The following TPM3 variants were observed in gnomAD, a reference collection of about 807,000 sequenced individuals.
TPM3 encodes the protein tropomyosin alpha-3 chain.
TPM3 carries 16 observed loss-of-function variants against 43.1 expected under a neutral mutation model. The ratio of observed to expected loss-of-function variants is 0.37; its 90% confidence interval spans 0.25 to 0.56. The LOEUF (loss-of-function observed/expected upper bound fraction) is 0.56, where lower values mean the gene tolerates loss of function less well. Among genes scored for constraint, TPM3 ranks in the 20% least tolerant of loss-of-function variants. The pLI is 0.77. For synonymous variants in TPM3, 101 were observed against 116.9 expected (o/e 0.86, Z 0.88); for missense variants, 176 against 337.2 (o/e 0.52, Z 3.74).
At chr1:154,183,471 G>A in intron 2 of TPM3, 1 of 489,716 alleles carries the variant, frequency 2.0e-6, no homozygotes, top group African/African-American at 2.0e-5. Context: ...TGCCCACAAT[G>A]GTTGGCCCCT....
At chr1:154,168,428 A>G (rs925945550) in intron 9 of TPM3, among the ~76,000 whole-genome samples, 6 of 152,228 alleles carry the variant, frequency 3.9e-5, no homozygotes, top group Non-Finnish European at 8.8e-5. Context: ...TTGAGAAGCA[A>G]ATAGAAAAAT....
rs1436340320 is a variant in TPM3, at chr1:154,166,227, A to G, written c.*1710T>C. On this transcript the variant is annotated 3_prime_UTR_variant, in exon 10 of 10. Coordinates refer to ENST00000651641, the MANE Select transcript of TPM3 (RefSeq NM_152263.4). ...TACCTGATTATATCTGTTTAAAAGA[A>G]GAGCAAAAGTGTTTTTAACAGATGG... 4.4e-6 allele frequency: 1 copy of G among 229,142 alleles called. No homozygotes were observed. Among genetic ancestry groups the G allele is most frequent in the Non-Finnish European group, 8.6e-6 (1 of 115,664 alleles). The allele number at this position is 229,142 out of a possible 1,614,324, so 14.2% of individuals were successfully genotyped here.
intron 3 of TPM3, among the ~76,000 whole-genome samples, chr1:154,174,695 G>A (rs1375537971): frequency 6.6e-6 from 1 of 151,194 alleles, no homozygotes; most frequent in Non-Finnish European, 1.5e-5. Flanking sequence ...GGATTTTGCT[G>A]TGTTGGCTGG....
chr1:154,160,828 C>T (rs1433070674), downstream of TPM3, among the ~76,000 whole-genome samples: 1 of 152,102 alleles, frequency 6.6e-6, no homozygotes, highest in Admixed American at 6.5e-5. Flanking sequence ...TTTTTGAATG[C>T]CAACATGATG....
chr1:154,180,225 C>A (rs1662796376), intron 2 of TPM3, among the ~76,000 whole-genome samples: 1 of 152,156 alleles, frequency 6.6e-6, no homozygotes, highest in African/African-American at 2.4e-5. Flanking sequence ...AGCTTCCCAA[C>A]AAGGGTGGCT....
chr1:154,180,084 A>C (rs1662785406), intron 2 of TPM3, among the ~76,000 whole-genome samples: 1 of 152,162 alleles, frequency 6.6e-6, no homozygotes, highest in Non-Finnish European at 1.5e-5. Context: ...ATTTAGACAG[A>C]AGTAAAAAGG....
At position 154,171,565 on chromosome 1, in the gene TPM3, C is replaced by T. The variant is rs187872189; in HGVS notation, c.567-77G>A. The T allele has an allele frequency of 2.0e-3, 2,931 of 1,493,124 alleles. 5 individuals carry two copies. Among genetic ancestry groups the T allele is most frequent in the Admixed American group, 2.3e-3 (139 of 59,286 alleles). The allele number at this position is 1,493,124 out of a possible 1,614,324, so 92.5% of individuals were successfully genotyped here. ...AAAAAAAGGGAGAGAGACACATAGA[C>T]GTGAATTGAACCTATATGTAGAGAG... On this transcript the variant is annotated intron_variant, in intron 5 of 9. Coordinates refer to ENST00000651641, the MANE Select transcript of TPM3 (RefSeq NM_152263.4).
intron 2 of TPM3, among the ~76,000 whole-genome samples, chr1:154,189,986 G>A (rs944323498): frequency 1.3e-5 from 2 of 152,098 alleles, no homozygotes; most frequent in African/African-American, 4.8e-5. Flanking sequence ...CTGTTGCCCA[G>A]GCTAGAGTGC....
chr1:154,157,506 G>A (rs1275388812), downstream of TPM3: 2 of 759,626 alleles, frequency 2.6e-6, no homozygotes, highest in South Asian at 1.4e-5. Flanking sequence ...CAGGGAAGGA[G>A]GGGGTGGTGA....
downstream of TPM3, among the ~76,000 whole-genome samples, chr1:154,161,437 CTTTTTTTTTTTTT>C (rs966387714): frequency 4.4e-5 from 5 of 113,410 alleles, no homozygotes; most frequent in Admixed American, 9.3e-5. Flanking sequence ...TATCAGGATC[CTTTTTTTTTTTTT>C]TTTTTTTTGA....
chr1:154,169,126 G>A (rs893202199), intron 9 of TPM3, among the ~76,000 whole-genome samples, 179 bp downstream of exon 9: 9 of 152,128 alleles, frequency 5.9e-5, no homozygotes, highest in Non-Finnish European at 7.3e-5. Context: ...GTGAGCCACC[G>A]CGCCCGGCCA....
rs886045298 is a variant in TPM3 at position 154,163,635 on chromosome 1, T to C, written c.*4302A>G. Among the ~76,000 whole-genome samples the C allele has an allele frequency of 4.5e-4, 69 of 152,012 alleles. No individual in the cohort carries two copies. The highest frequency in any genetic ancestry group is 2.1e-4 in the Non-Finnish European group (14 of 67,974). On this transcript the variant is annotated 3_prime_UTR_variant, in exon 10 of 10. Transcript: ENST00000651641. Reference sequence around the variant, plus strand: ...CTCCTCTTACATAACGTTTTCCTCATTGTTTAATTTTTTTTTGAGACAGAG... The same window carrying C: ...CTCCTCTTACATAACGTTTTCCTCACTGTTTAATTTTTTTTTGAGACAGAG...
At chr1:154,181,006 C>T (rs182608391) in intron 2 of TPM3, among the ~76,000 whole-genome samples, 1 of 152,180 alleles carries the variant, frequency 6.6e-6, no homozygotes, top group African/African-American at 2.4e-5. Flanking sequence ...AATACTGAGC[C>T]TAAGATTCTG....
At chr1:154,157,162 C>G, downstream of TPM3, 1 of 282,050 alleles carries the variant, frequency 3.5e-6, no homozygotes, top group Non-Finnish European at 6.8e-6. Context: ...GCGGAGTCTC[C>G]CTGGGCTCTG....
At chr1:154,157,450 G>A (rs1457484338), downstream of TPM3, 1 of 709,254 alleles carries the variant, frequency 1.4e-6, no homozygotes, top group Non-Finnish European at 2.6e-6. Flanking sequence ...CTCTAGCCCA[G>A]CTGGATTCTC....
downstream of TPM3, chr1:154,156,000 C>G (rs1363230106): frequency 5.5e-6 from 1 of 181,724 alleles, no homozygotes; most frequent in Non-Finnish European, 1.2e-5. Flanking sequence ...GAAGCTGAGG[C>G]AGGTGGATCA....
At chr1:154,159,991 C>CTTT (rs60242183), downstream of TPM3, among the ~76,000 whole-genome samples, 767 of 129,810 alleles carry the variant, frequency 5.9e-3, 5 homozygotes, top group Non-Finnish European at 8.9e-3. Flanking sequence ...AAGTTATTTC[C>CTTT]TTTTTTTTTT....
intron 3 of TPM3, among the ~76,000 whole-genome samples, 198 bp downstream of exon 3, chr1:154,175,917 C>T (rs973436290): frequency 6.6e-6 from 1 of 152,190 alleles, no homozygotes; most frequent in African/African-American, 2.4e-5. Flanking sequence ...TGCAGTGGCG[C>T]AATCAGAGCT....
chr1:154,160,279 T>C (rs1294561842), downstream of TPM3, among the ~76,000 whole-genome samples: 1 of 152,196 alleles, frequency 6.6e-6, no homozygotes, highest in Non-Finnish European at 1.5e-5. Flanking sequence ...TTCAAAATGG[T>C]CTCAGGATCT....
Sources: allele counts gnomAD v4.1 joint callset (sites outside exome capture counted in the v4.1 genomes callset), GRCh38; gene constraint gnomAD v4.1.1; transcripts MANE v1.5; gene names NCBI Gene and HGNC (gene_info 2026-07-23, HGNC 2026-07-21).